The following GALNT13 variants were observed in gnomAD, a reference collection of about 807,000 sequenced individuals.
The protein encoded by GALNT13 is UDP-GalNAc:polypeptide N-acetylgalactosaminyltransferase 13.
GALNT13 carries 28 observed loss-of-function variants against 64.2 expected under a neutral mutation model. That is an observed-to-expected ratio of 0.44 (90% confidence interval 0.32 to 0.60). The LOEUF (loss-of-function observed/expected upper bound fraction) is 0.60, where lower values mean the gene tolerates loss of function less well. Among genes scored for constraint, GALNT13 ranks in the 20% least tolerant of loss-of-function variants. The probability of loss-of-function intolerance (pLI) is 0.05; values close to 1 mark genes in which losing one functional copy is unlikely to be tolerated. For synonymous variants in GALNT13, 214 were observed against 224.6 expected (o/e 0.95, Z 0.42); for missense variants, 577 against 669.8 (o/e 0.86, Z 1.53).
chr2:153,462,360 C>T, the GALNT13 span, among the ~76,000 whole-genome samples: 2 of 151,962 alleles, frequency 1.3e-5, no homozygotes, highest in Admixed American at 1.3e-4. Context: ...TAGATGAAGG[C>T]ATTTTTTAAA....
the GALNT13 span, among the ~76,000 whole-genome samples, chr2:153,487,713 G>A: frequency 3.3e-5 from 5 of 152,336 alleles, no homozygotes; most frequent in East Asian, 3.9e-4. Context: ...CTAGCCAGGC[G>A]AAGCATGCCA....
At chr2:154,341,724 A>T (rs1695783796) in intron 9 of GALNT13, among the ~76,000 whole-genome samples, 1 of 109,482 alleles carries the variant, frequency 9.1e-6, no homozygotes, top group Admixed American at 9.8e-5. Flanking sequence ...CTGTTCTGGA[A>T]AAAGGAGTGA....
chr2:154,226,263 A>G (rs1688613167), intron 4 of GALNT13, among the ~76,000 whole-genome samples: 1 of 152,168 alleles, frequency 6.6e-6, no homozygotes, highest in African/African-American at 2.4e-5. Flanking sequence ...AAAAGTTTAC[A>G]AATTCTCACC....
chr2:154,118,203 G>T (rs1272379724), intron 3 of GALNT13, among the ~76,000 whole-genome samples: 1 of 149,994 alleles, frequency 6.7e-6, no homozygotes, highest in African/African-American at 2.4e-5. Context: ...CCAATTTTGG[G>T]TGCGGTGCAT....
At chr2:154,015,268 T>G (rs1340899637) in intron 3 of GALNT13, among the ~76,000 whole-genome samples, 1 of 152,246 alleles carries the variant, frequency 6.6e-6, no homozygotes, top group African/African-American at 2.4e-5. Context: ...TTAGTGAATT[T>G]ATTTTAAGTT....
the GALNT13 span, among the ~76,000 whole-genome samples, chr2:153,850,050 A>G: frequency 0.87 from 127,565 of 146,494 alleles, 56,589 homozygotes; most frequent in Non-Finnish European, 0.94. Context: ...ATGGTGGCGG[A>G]CACCTGTAGT....
chr2:154,243,018 T>C, intron 6 of GALNT13, 113 bp downstream of exon 6: 1 of 834,920 alleles, frequency 1.2e-6, no homozygotes, highest in East Asian at 2.7e-5. Context: ...GTTTATTTTA[T>C]AGCTTTTCTT....
At chr2:153,548,793 G>C in the GALNT13 span, among the ~76,000 whole-genome samples, 5 of 152,094 alleles carry the variant, frequency 3.3e-5, no homozygotes, top group African/African-American at 1.2e-4. Context: ...CATGACAACT[G>C]AAAACATATG....
At chr2:154,231,775 G>T in intron 4 of GALNT13, among the ~76,000 whole-genome samples, 1 of 141,216 alleles carries the variant, frequency 7.1e-6, no homozygotes. Context: ...TACTTTCAAT[G>T]GCAAAAACTG....
the GALNT13 span, among the ~76,000 whole-genome samples, chr2:153,487,570 A>G: frequency 6.6e-6 from 1 of 152,226 alleles, no homozygotes; most frequent in Admixed American, 6.5e-5. Flanking sequence ...TCATGCAAAA[A>G]AGCAATTATG....
chr2:153,574,199 A>G, the GALNT13 span, among the ~76,000 whole-genome samples: 3 of 149,264 alleles, frequency 2.0e-5, no homozygotes, highest in Non-Finnish European at 4.4e-5. Flanking sequence ...TAAGGTTTCC[A>G]CTGAAAAGTA....
chr2:153,114,177 A>C, the GALNT13 span, among the ~76,000 whole-genome samples: 2 of 152,032 alleles, frequency 1.3e-5, no homozygotes, highest in Non-Finnish European at 2.9e-5. Flanking sequence ...GACCTGCCTC[A>C]CCATAAATGC....
chr2:154,431,481 T>A (rs1198454771), intron 11 of GALNT13, among the ~76,000 whole-genome samples: 4 of 152,218 alleles, frequency 2.6e-5, no homozygotes, highest in African/African-American at 9.6e-5. Flanking sequence ...TATATAAAAT[T>A]AATTTAACAG....
the GALNT13 span, among the ~76,000 whole-genome samples, chr2:153,866,168 G>T: frequency 1.7e-5 from 2 of 114,994 alleles, no homozygotes; most frequent in Non-Finnish European, 3.6e-5. Context: ...TTGTGGGGTG[G>T]GGGGAGGGGG....
At chr2:153,481,501 G>A in the GALNT13 span, among the ~76,000 whole-genome samples, 4 of 152,294 alleles carry the variant, frequency 2.6e-5, no homozygotes, top group East Asian at 7.7e-4. Context: ...CATATGGTAT[G>A]CAGGGAGCAT....
chr2:154,175,431 A>G (rs1685592415), intron 4 of GALNT13, among the ~76,000 whole-genome samples: 1 of 152,170 alleles, frequency 6.6e-6, no homozygotes, highest in African/African-American at 2.4e-5. Flanking sequence ...CTGAATAACC[A>G]CATTTCCATA....
the GALNT13 span, among the ~76,000 whole-genome samples, chr2:153,382,239 G>A: frequency 2.6e-5 from 4 of 151,766 alleles, no homozygotes; most frequent in Admixed American, 6.6e-5. Context: ...TAGATGCAGG[G>A]GGTACATGTG....
chr2:154,174,601 C>T (rs1257453992), intron 4 of GALNT13, among the ~76,000 whole-genome samples: 1 of 152,066 alleles, frequency 6.6e-6, no homozygotes, highest in African/African-American at 2.4e-5. Flanking sequence ...GGTTTTTAAG[C>T]AAGATGAGTT....
At chr2:154,350,826 C>G (rs1217052084) in intron 9 of GALNT13, among the ~76,000 whole-genome samples, 1 of 151,964 alleles carries the variant, frequency 6.6e-6, no homozygotes, top group Non-Finnish European at 1.5e-5. Context: ...GCAGTGGGGA[C>G]CAGGCAAAAA....
Sources: gnomAD v4.1 joint callset for allele counts (sites outside exome capture counted in the v4.1 genomes callset) on GRCh38, gnomAD v4.1.1 for gene constraint, MANE v1.5 for transcripts, NCBI Gene and HGNC (gene_info 2026-07-23, HGNC 2026-07-21) for gene names.